ADAMTS3: variants seen among roughly 807,000 people sequenced by gnomAD.
The protein encoded by ADAMTS3 is A disintegrin and metalloproteinase with thrombospondin motifs 3.
ADAMTS3 carries 73 observed loss-of-function variants against 129.0 expected under a neutral mutation model. The observed-to-expected ratio is 0.57, with a 90% CI of 0.47 to 0.69. The LOEUF (loss-of-function observed/expected upper bound fraction) is 0.69. ADAMTS3 is among the 30% of genes least tolerant of loss of function. ADAMTS3 has a pLI of 0.00. For missense variants in ADAMTS3, 1,457 were observed against 1,514.5 expected (o/e 0.96, Z 0.63); for synonymous variants, 477 against 510.8 (o/e 0.93, Z 0.89).
intron 3 of ADAMTS3, among the ~76,000 whole-genome samples, chr4:72,466,587 G>A (rs534742031): frequency 5.9e-5 from 9 of 152,118 alleles, no homozygotes; most frequent in Admixed American, 4.6e-4. Context: ...GAGCCTTCAA[G>A]CTTGATTCTA....
At position 72,334,506 on chromosome 4, in the gene ADAMTS3, A is replaced by T. The variant is rs540775189; in HGVS notation, c.861+4988T>A. ...TGCTCCTGTTGAGGTTTGGGTTGATAATTATGGACCAGGTCAGGAAATTAA... is the reference window on the plus strand; with the variant it reads ...TGCTCCTGTTGAGGTTTGGGTTGATTATTATGGACCAGGTCAGGAAATTAA... On this transcript the variant is annotated intron_variant, in intron 5 of 21. Transcript: ENST00000286657. Among the ~76,000 whole-genome samples, 11 of 152,292 alleles carry T rather than the reference A, an allele frequency of 7.2e-5. No homozygotes were observed. The South Asian group carries it at 2.3e-3, about 32-fold the overall frequency.
chr4:72,469,845 T>C (rs1050108566), intron 3 of ADAMTS3, among the ~76,000 whole-genome samples: 10 of 152,192 alleles, frequency 6.6e-5, no homozygotes, highest in Admixed American at 2.6e-4. Flanking sequence ...ACACTTTTTT[T>C]CTCTGGCTTA....
At chr4:72,305,836 G>A (rs1719073111) in intron 16 of ADAMTS3, 151 bp downstream of exon 16, 1 of 681,644 alleles carries the variant, frequency 1.5e-6, no homozygotes, top group African/African-American at 1.8e-5. Context: ...ATATACGTAT[G>A]CACATGTACG....
intron 4 of ADAMTS3, among the ~76,000 whole-genome samples, chr4:72,372,411 G>A (rs183701361): frequency 6.6e-5 from 10 of 152,080 alleles, no homozygotes; most frequent in Admixed American, 3.9e-4. Context: ...TACATATCCT[G>A]AAGATAGAAG....
At chr4:72,522,211 C>G (rs568546380) in intron 3 of ADAMTS3, among the ~76,000 whole-genome samples, 402 of 152,250 alleles carry the variant, frequency 2.6e-3, no homozygotes, top group African/African-American at 9.1e-3. Context: ...GACTGAAAAC[C>G]TTTCCTCCCA....
At chr4:72,503,000 T>C (rs1283713773) in intron 3 of ADAMTS3, among the ~76,000 whole-genome samples, 1 of 151,972 alleles carries the variant, frequency 6.6e-6, no homozygotes, top group Non-Finnish European at 1.5e-5. Context: ...TCTATTTTCA[T>C]TTATTTGAAA....
At chr4:72,542,004 G>A (rs889282428) in intron 3 of ADAMTS3, among the ~76,000 whole-genome samples, 4 of 152,062 alleles carry the variant, frequency 2.6e-5, no homozygotes, top group Non-Finnish European at 5.9e-5. Flanking sequence ...AAGTATTCTA[G>A]TAAAATAGGT....
At chr4:72,430,747 G>A (rs577456537) in intron 3 of ADAMTS3, among the ~76,000 whole-genome samples, 3 of 150,862 alleles carry the variant, frequency 2.0e-5, no homozygotes, top group Admixed American at 6.6e-5. Flanking sequence ...AAAACCATAC[G>A]TTATTTTTAA....
intron 3 of ADAMTS3, among the ~76,000 whole-genome samples, chr4:72,446,092 T>C (rs1269396648): frequency 6.6e-6 from 1 of 151,670 alleles, no homozygotes; most frequent in Non-Finnish European, 1.5e-5. Context: ...CAACTTGACC[T>C]CAAGGGCCCC....
chr4:72,382,856 A>G (rs553918107), intron 4 of ADAMTS3, among the ~76,000 whole-genome samples: 10 of 152,080 alleles, frequency 6.6e-5, no homozygotes, highest in Non-Finnish European at 1.3e-4. Context: ...GAAACAATAG[A>G]CTCTGGAAAC....
At chr4:72,363,232 A>C (rs558072095) in intron 4 of ADAMTS3, among the ~76,000 whole-genome samples, 1 of 152,160 alleles carries the variant, frequency 6.6e-6, no homozygotes, top group Non-Finnish European at 1.5e-5. Context: ...GATCCCCTAC[A>C]AGGAGATAGT....
chr4:72,395,631 C>T (rs1260049894), intron 4 of ADAMTS3, among the ~76,000 whole-genome samples: 1 of 152,152 alleles, frequency 6.6e-6, no homozygotes, highest in African/African-American at 2.4e-5. Flanking sequence ...ACTACATCTT[C>T]AATCAAAAGC....
chr4:72,516,708 G>A (rs1375779829), intron 3 of ADAMTS3, among the ~76,000 whole-genome samples: 1 of 152,104 alleles, frequency 6.6e-6, no homozygotes, highest in Non-Finnish European at 1.5e-5. Context: ...CTTTGCTGAA[G>A]TTGCTTATCA....
At chr4:72,564,419 C>G (rs1721975505) in intron 2 of ADAMTS3, among the ~76,000 whole-genome samples, 1 of 152,142 alleles carries the variant, frequency 6.6e-6, no homozygotes, top group Non-Finnish European at 1.5e-5. Flanking sequence ...TACTCTGAGT[C>G]AGAAATGACA....
At chr4:72,306,437 G>C (rs1719092401) in intron 15 of ADAMTS3, among the ~76,000 whole-genome samples, 1 of 151,912 alleles carries the variant, frequency 6.6e-6, no homozygotes, top group Non-Finnish European at 1.5e-5. Flanking sequence ...TCAATTTTTA[G>C]TGAAAGTTCA....
At chr4:72,344,684 C>T (rs116632908) in intron 4 of ADAMTS3, among the ~76,000 whole-genome samples, 1 of 152,040 alleles carries the variant, frequency 6.6e-6, no homozygotes, top group South Asian at 2.1e-4. Context: ...TAGGTGCACA[C>T]CCCTTTGGCC....
chr4:72,415,133 T>A lies in ADAMTS3; in HGVS notation c.505-162A>T, dbSNP rs1226767283. 5.6e-5 allele frequency among the ~76,000 whole-genome samples: 1 copy of A among 17,910 alleles called. No homozygotes were observed. The highest frequency in any genetic ancestry group is 1.2e-4 in the African/African-American group (1 of 8,640). 11.7% of individuals were successfully genotyped at this position (17,910 alleles called of 152,430 possible). A position where few individuals can be genotyped will look rare whatever the true frequency, so the allele number is the denominator to read the frequency against. On this transcript the variant is annotated intron_variant, in intron 3 of 21. Coordinates refer to ENST00000286657, the MANE Select transcript of ADAMTS3 (RefSeq NM_014243.3). Reference sequence around the variant, plus strand: ...AAATAGTTTTATTAACTATCAATAATTAATTCATATAAGGTAGAAATTCAC... The same window carrying A: ...AAATAGTTTTATTAACTATCAATAAATAATTCATATAAGGTAGAAATTCAC...
rs147116459 is a variant in ADAMTS3, at chr4:72,410,827, C to T, written c.661+3988G>A. ...GTTTCAAAATGTCATTTCCATGCCC[C>T]TAAATCTGAAAAAGAAGCAAATTAA... is the stretch of plus-strand genomic sequence containing the variant. On this transcript the variant is annotated intron_variant, in intron 4 of 21. Coordinates refer to ENST00000286657, the MANE Select transcript of ADAMTS3 (RefSeq NM_014243.3). 7.0e-3 allele frequency among the ~76,000 whole-genome samples: 1,062 copies of T among 152,040 alleles called. 7 individuals carry two copies. The highest frequency in any genetic ancestry group is 0.024 in the African/African-American group (1,005 of 41,466).
intron 3 of ADAMTS3, among the ~76,000 whole-genome samples, chr4:72,480,094 G>A (rs1427489253): frequency 2.0e-5 from 3 of 152,206 alleles, no homozygotes; most frequent in Non-Finnish European, 2.9e-5. Flanking sequence ...TACACTGTTG[G>A]TGGGACTGTA....
Sources: gnomAD v4.1 joint callset for allele counts (sites outside exome capture counted in the v4.1 genomes callset) on GRCh38, gnomAD v4.1.1 for gene constraint, MANE v1.5 for transcripts, NCBI Gene and HGNC (gene_info 2026-07-23, HGNC 2026-07-21) for gene names.